Variants in C2CD5 observed in about 807,000 individuals in gnomAD.
C2CD5 encodes C2 calcium dependent domain containing 5, also known as C2 domain-containing protein 5.
C2CD5 carries 109 observed loss-of-function variants against 130.3 expected under a neutral mutation model. The ratio of observed to expected loss-of-function variants is 0.84; its 90% CI spans 0.72 to 0.98. The LOEUF (loss-of-function observed/expected upper bound fraction) is 0.98. Ranked by LOEUF, C2CD5 falls within the 50% of genes least tolerant of loss-of-function variation. C2CD5 has a pLI of 0.00. For missense variants in C2CD5, 996 were observed against 1,261.8 expected (o/e 0.79, Z 3.19); for synonymous variants, 454 against 429.2 (o/e 1.06, Z -0.71).
rs61921407 is a variant in C2CD5, at chr12:22,511,289, A to T, written c.1038+2005T>A. Among the ~76,000 whole-genome samples the T allele has an allele frequency of 2.4e-3, 360 of 152,308 alleles. 1 individual carries two copies. Among genetic ancestry groups the T allele is most frequent in the Non-Finnish European group, 3.7e-3 (255 of 68,016 alleles). ...TATAAGTAGATCATGTCAGTGACATAATCTAGTGTTCAGATTAGCAGAATT... is the reference window on the plus strand; with the variant it reads ...TATAAGTAGATCATGTCAGTGACATTATCTAGTGTTCAGATTAGCAGAATT... On this transcript the variant is annotated intron_variant, in intron 9 of 26. Transcript: ENST00000446597.
chr12:22,454,532 C>A (rs1939412696), intron 25 of C2CD5, among the ~76,000 whole-genome samples: 1 of 151,722 alleles, frequency 6.6e-6, no homozygotes, highest in African/African-American at 2.4e-5. Context: ...CTTCCTACCT[C>A]AGGCTCACTG....
In C2CD5 at chr12:22,449,751, T is replaced by C. The variant is rs778491212; in HGVS notation, c.*9A>G. 7.0e-6 allele frequency: 11 copies of C among 1,569,986 alleles called. No homozygotes were observed. The highest frequency in any genetic ancestry group is 9.6e-6 in the Non-Finnish European group (11 of 1,147,352). ...TTCATTTAGTTGAGCTCTTTTTTCC[T>C]AATTTTCCTCAGGTTGTAACTTCGC... On this transcript the variant is annotated 3_prime_UTR_variant, in exon 27 of 27. Transcript: ENST00000446597.
At chr12:22,533,171 G>A (rs575997106) in intron 3 of C2CD5, among the ~76,000 whole-genome samples, 16 of 152,298 alleles carry the variant, frequency 1.1e-4, no homozygotes, top group South Asian at 1.0e-3. Context: ...AGGGGGGGTG[G>A]TGGGTAGAAT....
intron 10 of C2CD5, among the ~76,000 whole-genome samples, chr12:22,495,676 A>G (rs1317684288): frequency 6.6e-6 from 1 of 152,264 alleles, no homozygotes; most frequent in East Asian, 1.9e-4. Context: ...TGAGGATGCC[A>G]TTATTGTATT....
intron 22 of C2CD5, among the ~76,000 whole-genome samples, chr12:22,460,166 G>A (rs920932684): frequency 1.3e-5 from 2 of 152,172 alleles, no homozygotes; most frequent in African/African-American, 4.8e-5. Flanking sequence ...TAACCTGACA[G>A]TAGCATCCAG....
chr12:22,520,497 G>C (rs1238175992), intron 7 of C2CD5, among the ~76,000 whole-genome samples: 1 of 152,078 alleles, frequency 6.6e-6, no homozygotes, highest in Non-Finnish European at 1.5e-5. Context: ...GTTGCTAATA[G>C]AAATTAAAAG....
At chr12:22,511,344 T>C (rs1217867659) in intron 9 of C2CD5, among the ~76,000 whole-genome samples, 2 of 152,150 alleles carry the variant, frequency 1.3e-5, no homozygotes, top group Non-Finnish European at 2.9e-5. Flanking sequence ...ATGGAGAGAA[T>C]TCTTCATACT....
At chr12:22,462,273 A>G (rs1941309369) in intron 22 of C2CD5, among the ~76,000 whole-genome samples, 1 of 152,196 alleles carries the variant, frequency 6.6e-6, no homozygotes, top group Non-Finnish European at 1.5e-5. Context: ...TCTATATGGA[A>G]GAGTCTGAAA....
intron 13 of C2CD5, 97 bp downstream of exon 13, chr12:22,484,600 C>CA: frequency 1.8e-6 from 1 of 553,546 alleles, no homozygotes; most frequent in East Asian, 3.1e-5. Flanking sequence ...CAGGATCAAA[C>CA]AGGTAGGAAA....
chr12:22,483,331 A>C (rs1215653704), intron 13 of C2CD5, among the ~76,000 whole-genome samples: 1 of 152,226 alleles, frequency 6.6e-6, no homozygotes, highest in Non-Finnish European at 1.5e-5. Flanking sequence ...GGAAAGCAGA[A>C]GAAAATGTTA....
chr12:22,522,487 A>C (rs963360744), intron 7 of C2CD5, among the ~76,000 whole-genome samples: 3 of 152,216 alleles, frequency 2.0e-5, no homozygotes, highest in Non-Finnish European at 4.4e-5. Flanking sequence ...GCAGGATCAC[A>C]CATAGATTTT....
At chr12:22,533,703 A>C (rs2137206319) in intron 3 of C2CD5, among the ~76,000 whole-genome samples, 1 of 152,310 alleles carries the variant, frequency 6.6e-6, no homozygotes, top group Middle Eastern at 3.4e-3. Context: ...AGGAATGAAA[A>C]GAGACCTGGG....
chr12:22,497,871 T>C (rs1947223346), intron 10 of C2CD5, among the ~76,000 whole-genome samples: 1 of 150,422 alleles, frequency 6.6e-6, no homozygotes, highest in Non-Finnish European at 1.5e-5. Context: ...TACTCCATAA[T>C]TGTGAAATTT....
At chr12:22,540,687 C>T (rs762551942) in intron 2 of C2CD5, among the ~76,000 whole-genome samples, 1 of 152,146 alleles carries the variant, frequency 6.6e-6, no homozygotes, top group African/African-American at 2.4e-5. Context: ...GGCGAAACCC[C>T]GTCGCTACTA....
chr12:22,454,094 TAGGA>T, intron 25 of C2CD5, 52 bp from the exon 26 acceptor site: 1 of 1,396,710 alleles, frequency 7.2e-7, no homozygotes, highest in Non-Finnish European at 1.0e-6. Context: ...TGTATGGATA[TAGGA>T]ATGCACACAA....
Position 22,523,563 on chromosome 12 carries a change from C to A in C2CD5, c.663G>T (p.Gly221=). Residue 221 remains glycine, a synonymous_variant, in exon 7 of 27, where the codon GGG becomes GGT. Transcript: ENST00000446597. ...VLEMRGNAVV[G]YLQCFDLEGE... ...CCTCCAGATCGAAACACTGTAAGTA[C>A]CCCACAACTGCATTTCCTCTCATTT... 6.2e-7 allele frequency: 1 copy of A among 1,613,934 alleles called. No homozygotes were observed. Among genetic ancestry groups the A allele is most frequent in the Non-Finnish European group, 8.5e-7 (1 of 1,179,950 alleles).
At chr12:22,540,680 G>A (rs974139675) in intron 2 of C2CD5, among the ~76,000 whole-genome samples, 4 of 152,114 alleles carry the variant, frequency 2.6e-5, no homozygotes, top group Non-Finnish European at 2.9e-5. Flanking sequence ...CCAACATGGC[G>A]AAACCCCGTC....
chr12:22,473,791 A>C (rs1324670664), intron 16 of C2CD5, among the ~76,000 whole-genome samples: 1 of 152,160 alleles, frequency 6.6e-6, no homozygotes, highest in Non-Finnish European at 1.5e-5. Context: ...AGCTGACGCC[A>C]CAAGTAGGCA....
intron 15 of C2CD5, among the ~76,000 whole-genome samples, chr12:22,476,438 G>C (rs1943849713): frequency 6.6e-6 from 1 of 152,096 alleles, no homozygotes; most frequent in Non-Finnish European, 1.5e-5. Flanking sequence ...GAGTACTGTT[G>C]TGAAAATACA....
Sources: gnomAD v4.1 joint callset for allele counts (sites outside exome capture counted in the v4.1 genomes callset) on GRCh38, gnomAD v4.1.1 for gene constraint, MANE v1.5 for transcripts, NCBI Gene and HGNC (gene_info 2026-07-23, HGNC 2026-07-21) for gene names.